Variants in PDK1 observed in about 807,000 individuals in gnomAD.
PDK1 encodes [Pyruvate dehydrogenase (acetyl-transferring)] kinase isozyme 1, mitochondrial.
PDK1 carries 39 observed loss-of-function variants against 54.2 expected under a neutral mutation model. That is an observed-to-expected ratio of 0.72 (90% CI 0.56 to 0.94). PDK1 has a LOEUF of 0.94. PDK1 is among the 40% of genes least tolerant of loss of function. The pLI is 0.00. For missense variants in PDK1, 552 were observed against 566.0 expected (o/e 0.98, Z 0.25); for synonymous variants, 221 against 207.1 (o/e 1.07, Z -0.58).
the PDK1 span, among the ~76,000 whole-genome samples, chr2:172,700,843 A>T: frequency 6.6e-6 from 1 of 152,212 alleles, no homozygotes; most frequent in African/African-American, 2.4e-5. Context: ...CTCCACCAAA[A>T]AATATAAAAA....
chr2:172,571,828 T>G (rs1402651836), intron 8 of PDK1, among the ~76,000 whole-genome samples: 3 of 125,426 alleles, frequency 2.4e-5, no homozygotes, highest in Non-Finnish European at 3.3e-5. Context: ...CTTTACTTTT[T>G]TTTTTTTTTT....
At chr2:172,585,316 A>ATTTTTTTTTTTTTTTTTTTTTT (rs538241255) in intron 8 of PDK1, among the ~76,000 whole-genome samples, 1 of 103,302 alleles carries the variant, frequency 9.7e-6, no homozygotes, top group African/African-American at 4.5e-5. Context: ...TGCATTTTTA[A>ATTTTTTTTTTTTTTTTTTTTTT]TTTTTTTTTT....
At chr2:172,557,731 C>T (rs79289120) in intron 1 of PDK1, among the ~76,000 whole-genome samples, 12,150 of 151,716 alleles carry the variant, frequency 0.08, 1,282 homozygotes, top group East Asian at 0.54. Flanking sequence ...CCTCCCACCT[C>T]GGCCTCCCAA....
the PDK1 span, among the ~76,000 whole-genome samples, chr2:172,624,606 C>T: frequency 5.3e-5 from 8 of 152,124 alleles, no homozygotes; most frequent in Admixed American, 3.3e-4. Flanking sequence ...CACTAGAGAT[C>T]ATTTGAGTGG....
chr2:172,558,586 C>A, intron 1 of PDK1, 122 bp from the exon 2 acceptor site: 1 of 801,830 alleles, frequency 1.2e-6, no homozygotes, highest in Non-Finnish European at 2.0e-6. Context: ...TTCCCTGCCC[C>A]ATCGTGGTGA....
the PDK1 span, among the ~76,000 whole-genome samples, chr2:172,646,772 A>C: frequency 1.3e-5 from 1 of 75,658 alleles, no homozygotes; most frequent in African/African-American, 4.9e-5. Context: ...AGTTTTGCTC[A>C]TGTTACCCAG....
At chr2:172,614,986 T>A in the PDK1 span, among the ~76,000 whole-genome samples, 30,646 of 152,250 alleles carry the variant, frequency 0.2, 3,534 homozygotes, top group African/African-American at 0.3. Flanking sequence ...TGTACTATTG[T>A]GTACTAATAC....
the PDK1 span, among the ~76,000 whole-genome samples, chr2:172,690,689 A>T: frequency 6.7e-6 from 1 of 150,232 alleles, no homozygotes. Context: ...GGATGAGTTC[A>T]TGTCCTTTGC....
Position 172,565,631 on chromosome 2 carries a change from A to G in PDK1, c.691+558A>G, listed in dbSNP as rs375617856. ...TATCTTTCACTTAAAAAAGAATTGA[A>G]GTCCCTACTGCCCTGTTTCTAATTC... On this transcript the variant is annotated intron_variant, in intron 5 of 10. Transcript: ENST00000282077. Among the ~76,000 whole-genome samples, 253 of 152,260 alleles carry G rather than the reference A, an allele frequency of 1.7e-3. 1 individual carries two copies. Among genetic ancestry groups the G allele is most frequent in the African/African-American group, 5.7e-3 (237 of 41,560 alleles).
chr2:172,684,705 T>C, the PDK1 span, among the ~76,000 whole-genome samples: 2 of 152,198 alleles, frequency 1.3e-5, no homozygotes, highest in African/African-American at 4.8e-5. Flanking sequence ...ATCTACTCAG[T>C]TGCTCATGCC....
intron 8 of PDK1, among the ~76,000 whole-genome samples, chr2:172,578,080 G>T (rs1006674376): frequency 6.6e-6 from 1 of 152,136 alleles, no homozygotes; most frequent in African/African-American, 2.4e-5. Flanking sequence ...ATTTTTGAAG[G>T]ATAGTTTTGC....
At chr2:172,667,254 A>G in the PDK1 span, among the ~76,000 whole-genome samples, 1 of 152,196 alleles carries the variant, frequency 6.6e-6, no homozygotes, top group Admixed American at 6.5e-5. Flanking sequence ...ATGAGAGGGA[A>G]ATGTGGGAAA....
At chr2:172,562,179 A>T in intron 2 of PDK1, 41 bp from the exon 3 acceptor site, 1 of 1,079,860 alleles carries the variant, frequency 9.3e-7, no homozygotes, top group Non-Finnish European at 1.4e-6. Context: ...GAACTTTCAG[A>T]ATATAAAAGA....
At chr2:172,718,553 CTT>C in the PDK1 span, among the ~76,000 whole-genome samples, 1 of 152,134 alleles carries the variant, frequency 6.6e-6, no homozygotes, top group Non-Finnish European at 1.5e-5. Flanking sequence ...GTTAAATACA[CTT>C]TAAATCAAAT....
chr2:172,709,852 A>C, the PDK1 span, among the ~76,000 whole-genome samples: 55 of 152,208 alleles, frequency 3.6e-4, no homozygotes, highest in Non-Finnish European at 5.6e-4. Context: ...GATGGACAGC[A>C]ATGGTAGTAT....
At chr2:172,632,036 G>T in the PDK1 span, among the ~76,000 whole-genome samples, 1 of 152,054 alleles carries the variant, frequency 6.6e-6, no homozygotes, top group African/African-American at 2.4e-5. Context: ...AGCACTTTGG[G>T]AGGCCGAGGC....
the PDK1 span, among the ~76,000 whole-genome samples, chr2:172,709,702 A>C: frequency 6.6e-6 from 1 of 152,208 alleles, no homozygotes; most frequent in Non-Finnish European, 1.5e-5. Context: ...AAATTGCATA[A>C]AGTGCCAACT....
chr2:172,650,358 G>A, the PDK1 span, among the ~76,000 whole-genome samples: 13 of 152,110 alleles, frequency 8.5e-5, no homozygotes, highest in African/African-American at 1.2e-4. Flanking sequence ...AGGAGCAACC[G>A]GTACCAGCCA....
chr2:172,610,459 C>T (rs954020861), downstream of PDK1, among the ~76,000 whole-genome samples: 1 of 152,076 alleles, frequency 6.6e-6, no homozygotes, highest in African/African-American at 2.4e-5. Flanking sequence ...TGAAACACCG[C>T]ATCTTTTCTT....
Sources: allele counts gnomAD v4.1 joint callset (sites outside exome capture counted in the v4.1 genomes callset), GRCh38; gene constraint gnomAD v4.1.1; transcripts MANE v1.5; gene names NCBI Gene and HGNC (gene_info 2026-07-23, HGNC 2026-07-21).